The following DTNB variants were observed in gnomAD, a reference collection of about 807,000 sequenced individuals.
DTNB encodes the protein DTN-B.
Under a neutral mutation model 90.7 loss-of-function variants are expected in DTNB, and 63 were observed. The ratio of observed to expected loss-of-function variants is 0.69; its 90% CI spans 0.57 to 0.86. The LOEUF (loss-of-function observed/expected upper bound fraction) is 0.86. Ranked by LOEUF, DTNB falls within the 40% of genes least tolerant of loss-of-function variation. The probability of loss-of-function intolerance (pLI) is 0.00; values close to 1 mark genes in which losing one functional copy is unlikely to be tolerated. For missense variants in DTNB, 744 were observed against 807.1 expected (o/e 0.92, Z 0.95); for synonymous variants, 277 against 286.7 (o/e 0.97, Z 0.34).
chr2:25,441,580 G>C (rs2057402754), intron 12 of DTNB, among the ~76,000 whole-genome samples: 4 of 152,190 alleles, frequency 2.6e-5, no homozygotes, highest in Admixed American at 2.6e-4. Flanking sequence ...TCGTGTGTTA[G>C]GGCAGTGGAG....
chr2:25,617,588 C>T (rs1312383983), intron 4 of DTNB, among the ~76,000 whole-genome samples: 1 of 152,116 alleles, frequency 6.6e-6, no homozygotes, highest in African/African-American at 2.4e-5. Context: ...TATTTAAATA[C>T]AGTTATAGAA....
At chr2:25,621,353 T>C (rs2072547499) in intron 4 of DTNB, among the ~76,000 whole-genome samples, 1 of 152,208 alleles carries the variant, frequency 6.6e-6, no homozygotes, top group Non-Finnish European at 1.5e-5. Context: ...GGTTTGTTTC[T>C]GCTTTGTTTT....
intron 6 of DTNB, among the ~76,000 whole-genome samples, chr2:25,591,255 C>T (rs545538129): frequency 6.6e-6 from 1 of 152,212 alleles, no homozygotes; most frequent in Admixed American, 6.5e-5. Flanking sequence ...GCAGCCATGG[C>T]TTGACCGGCT....
At chr2:25,635,868 A>C (rs1472205256) in intron 3 of DTNB, among the ~76,000 whole-genome samples, 1 of 152,214 alleles carries the variant, frequency 6.6e-6, no homozygotes, top group Non-Finnish European at 1.5e-5. Flanking sequence ...AAATTCTAAT[A>C]GTGGTTACTG....
chr2:25,644,165 A>G (rs940120021), intron 2 of DTNB, among the ~76,000 whole-genome samples: 4 of 152,222 alleles, frequency 2.6e-5, no homozygotes, highest in African/African-American at 9.6e-5. Context: ...TACTCTGTCT[A>G]TGGAGTAGCC....
intron 1 of DTNB, among the ~76,000 whole-genome samples, chr2:25,657,662 A>G (rs968559486): frequency 6.6e-6 from 1 of 152,160 alleles, no homozygotes; most frequent in Non-Finnish European, 1.5e-5. Context: ...TCATGGCTGC[A>G]GTGAACTGTG....
At position 25,387,114 on chromosome 2, in the gene DTNB, TG is replaced by T; in HGVS notation, c.1825+174del. The T allele has an allele frequency of 1.7e-6, 1 of 579,754 alleles. No individual in the cohort carries two copies. Among genetic ancestry groups the T allele is most frequent in the Non-Finnish European group, 3.1e-6 (1 of 326,690 alleles). 35.9% of individuals were successfully genotyped at this position (579,754 alleles called of 1,614,324 possible). On this transcript the variant is annotated intron_variant, in intron 18 of 20. Transcript: ENST00000406818. This position sits in a 1 kb window ranked among gnomAD's most constrained non-coding sequence, Gnocchi z 4.5. ...GAAACCGCCCCTACGCGATCCTGTG[TG>T]ACAGAGGCTCTCTGGGTGGAGACAT... is the stretch of plus-strand genomic sequence containing the variant.
At chr2:25,482,701 G>C in intron 10 of DTNB, 95 bp downstream of exon 10, 1 of 1,263,432 alleles carries the variant, frequency 7.9e-7, no homozygotes, top group Non-Finnish European at 1.2e-6. Flanking sequence ...TCTGCCCTGT[G>C]GAACAACCTG....
At chr2:25,567,140 G>A (rs981897283) in intron 8 of DTNB, among the ~76,000 whole-genome samples, 5 of 152,066 alleles carry the variant, frequency 3.3e-5, no homozygotes, top group Non-Finnish European at 5.9e-5. Context: ...CCACAAGTGG[G>A]GATATTGTCT....
At chr2:25,496,412 G>A (rs771420294) in intron 9 of DTNB, among the ~76,000 whole-genome samples, 3 of 151,998 alleles carry the variant, frequency 2.0e-5, no homozygotes, top group Non-Finnish European at 4.4e-5. Context: ...CTCATAGAGG[G>A]GTCAACAAAA....
chr2:25,672,517 A>T (rs925522717), intron 1 of DTNB, among the ~76,000 whole-genome samples: 4 of 152,190 alleles, frequency 2.6e-5, no homozygotes, highest in Non-Finnish European at 5.9e-5. Flanking sequence ...TACCCGTAGG[A>T]GCCTTCAAAA....
intron 16 of DTNB, among the ~76,000 whole-genome samples, chr2:25,405,710 T>G (rs1353385939): frequency 1.3e-5 from 2 of 152,128 alleles, no homozygotes; most frequent in Non-Finnish European, 2.9e-5. Context: ...TGGTTTGGCC[T>G]GGAAAGCCTG....
At chr2:25,491,983 C>T (rs2067613522) in intron 9 of DTNB, among the ~76,000 whole-genome samples, 1 of 151,688 alleles carries the variant, frequency 6.6e-6, no homozygotes, top group Admixed American at 6.6e-5. Flanking sequence ...AGGATTTGAA[C>T]CGAGGCAGTG....
chr2:25,466,150 T>C (rs550258983), intron 10 of DTNB, among the ~76,000 whole-genome samples: 98 of 152,184 alleles, frequency 6.4e-4, no homozygotes, highest in African/African-American at 2.3e-3. Flanking sequence ...CTGGCCAACA[T>C]ATAGTGAAAC....
intron 10 of DTNB, among the ~76,000 whole-genome samples, chr2:25,468,663 A>G (rs1383445497): frequency 6.6e-6 from 1 of 152,216 alleles, no homozygotes; most frequent in Non-Finnish European, 1.5e-5. Flanking sequence ...AGAAGCTGCT[A>G]GACATGAACA....
At chr2:25,505,633 TA>T (rs941384852) in intron 9 of DTNB, among the ~76,000 whole-genome samples, 6 of 151,888 alleles carry the variant, frequency 4.0e-5, no homozygotes, top group Non-Finnish European at 7.4e-5. Flanking sequence ...CTTGCTCCAT[TA>T]AAAAAAACAT....
intron 16 of DTNB, among the ~76,000 whole-genome samples, chr2:25,404,984 C>T (rs1303391363): frequency 1.3e-5 from 2 of 152,172 alleles, no homozygotes; most frequent in African/African-American, 4.8e-5. Context: ...CTGGAGTGCA[C>T]TCAGGCTGGA....
rs2054809522 is a variant in DTNB at position 25,433,977 on chromosome 2, A to T, written c.1276T>A (p.Leu426Met). 1 of 1,613,532 alleles carries T rather than the reference A, an allele frequency of 6.2e-7. No homozygotes were observed. Among genetic ancestry groups the T allele is most frequent in the Admixed American group, 1.7e-5 (1 of 59,986 alleles). The stretch of plus-strand genomic sequence containing the variant: ...TTGTTGGCATCAAAGTTAAAGCTCA[A>T]GTCAGTGGGAGGACGAGTCTAAAGT... The part of the protein sequence containing the change: ...AGNVTRPPTD[L>M]SFNFDANKQQ... Residue 426 changes from leucine to methionine, a missense_variant, in exon 13 of 21, where the codon TTG becomes ATG. Coordinates refer to ENST00000406818, the MANE Select transcript of DTNB (RefSeq NM_021907.5).
At chr2:25,580,212 C>T (rs924719690) in intron 7 of DTNB, among the ~76,000 whole-genome samples, 3 of 151,996 alleles carry the variant, frequency 2.0e-5, no homozygotes, top group Non-Finnish European at 4.4e-5. Flanking sequence ...AACTCCTGAT[C>T]ACAAGTGATC....
Sources: gnomAD v4.1 joint callset for allele counts (sites outside exome capture counted in the v4.1 genomes callset) on GRCh38, gnomAD v4.1.1 for gene constraint, Gnocchi (gnomAD v3.1) non-coding constraint, MANE v1.5 for transcripts, NCBI Gene and HGNC (gene_info 2026-07-23, HGNC 2026-07-21) for gene names.